MACROD2: variants seen among roughly 807,000 people sequenced by gnomAD.
The protein encoded by MACROD2 is mono-ADP ribosylhydrolase 2, also known as ADP-ribose glycohydrolase MACROD2.
A neutral mutation model predicts 70.4 loss-of-function variants in MACROD2; 36 were observed. That is an observed-to-expected ratio of 0.51 (90% CI 0.39 to 0.68). The LOEUF (loss-of-function observed/expected upper bound fraction) is 0.68. Ranked by LOEUF, MACROD2 falls within the 30% of genes least tolerant of loss-of-function variation. The probability of loss-of-function intolerance (pLI) is 0.00; values close to 1 mark genes in which losing one functional copy is unlikely to be tolerated. For missense variants in MACROD2, 496 were observed against 538.4 expected, an observed-to-expected ratio of 0.92 and a Z score of 0.78; for synonymous variants, 172 against 178.8, an observed-to-expected ratio of 0.96 and a Z score of 0.30.
intron 4 of MACROD2, among the ~76,000 whole-genome samples, chr20:14,677,001 G>C (rs1339352001): frequency 6.6e-6 from 1 of 151,966 alleles, no homozygotes; most frequent in Non-Finnish European, 1.5e-5. Context: ...ACTTTGTCTT[G>C]GTTCTCTTTT....
At chr20:14,833,546 A>G (rs1834536525) in intron 5 of MACROD2, among the ~76,000 whole-genome samples, 1 of 152,208 alleles carries the variant, frequency 6.6e-6, no homozygotes, top group East Asian at 1.9e-4. Context: ...TAAGAAACGT[A>G]ATTCTGGTAA....
chr20:15,585,422 T>C (rs1333788659), intron 8 of MACROD2, among the ~76,000 whole-genome samples: 2 of 152,068 alleles, frequency 1.3e-5, no homozygotes, highest in Non-Finnish European at 2.9e-5. Flanking sequence ...GGTCTCGAGC[T>C]CCTGACCTCG....
At chr20:15,339,504 C>T (rs1343985480) in intron 6 of MACROD2, among the ~76,000 whole-genome samples, 1 of 151,858 alleles carries the variant, frequency 6.6e-6, no homozygotes, top group South Asian at 2.1e-4. Context: ...GCTGCTAAAT[C>T]GTTTCTAGCA....
chr20:14,999,214 G>A (rs941160314), intron 5 of MACROD2, among the ~76,000 whole-genome samples: 1 of 152,196 alleles, frequency 6.6e-6, no homozygotes, highest in African/African-American at 2.4e-5. Context: ...CTCATTGGGA[G>A]TAGTAAGTAC....
At chr20:16,004,699 G>C (rs560154838) in intron 15 of MACROD2, among the ~76,000 whole-genome samples, 1 of 152,350 alleles carries the variant, frequency 6.6e-6, no homozygotes, top group African/African-American at 2.4e-5. Context: ...CGCAGGACCA[G>C]CCTGCAAGGC....
chr20:14,980,014 T>C (rs1438347498), intron 5 of MACROD2, among the ~76,000 whole-genome samples: 5 of 152,158 alleles, frequency 3.3e-5, no homozygotes, highest in Non-Finnish European at 7.4e-5. Flanking sequence ...TAATAATGGC[T>C]AGCATTTATT....
At chr20:15,045,982 C>T (rs1371709849) in intron 5 of MACROD2, among the ~76,000 whole-genome samples, 1 of 151,844 alleles carries the variant, frequency 6.6e-6, no homozygotes, top group East Asian at 1.9e-4. Flanking sequence ...ACCTCTTCAA[C>T]AGCAGTGTGT....
intron 5 of MACROD2, among the ~76,000 whole-genome samples, chr20:14,910,055 T>TCTTTTCTG (rs2074008135): frequency 1.3e-5 from 2 of 152,208 alleles, no homozygotes; most frequent in Non-Finnish European, 2.9e-5. Context: ...CTCACTGATC[T>TCTTTTCTG]CTTTTCTGTA....
chr20:14,067,004 G>A (rs1723026403), intron 2 of MACROD2, among the ~76,000 whole-genome samples: 1 of 151,144 alleles, frequency 6.6e-6, no homozygotes, highest in Admixed American at 6.6e-5. Flanking sequence ...GTAGAGATGG[G>A]GTTTCACCTT....
intron 3 of MACROD2, among the ~76,000 whole-genome samples, chr20:14,094,055 T>C (rs148288286): frequency 7.4e-4 from 113 of 152,110 alleles, no homozygotes; most frequent in African/African-American, 2.6e-3. Context: ...AGGATATGTG[T>C]TAGAGAGATC....
chr20:15,344,804 G>A (rs76521684), intron 6 of MACROD2, among the ~76,000 whole-genome samples: 225 of 152,326 alleles, frequency 1.5e-3, no homozygotes, highest in African/African-American at 5.2e-3. Context: ...GGAACAGTTA[G>A]TGAGTTATTC....
intron 3 of MACROD2, among the ~76,000 whole-genome samples, chr20:14,486,690 T>G (rs1419735893): frequency 6.6e-6 from 1 of 151,862 alleles, no homozygotes; most frequent in Non-Finnish European, 1.5e-5. Context: ...GGCTAATTTT[T>G]GTATTTTTAG....
intron 5 of MACROD2, among the ~76,000 whole-genome samples, chr20:15,028,573 T>C (rs2075250886): frequency 6.6e-6 from 1 of 152,194 alleles, no homozygotes; most frequent in African/African-American, 2.4e-5. Flanking sequence ...AATATTAGGC[T>C]TCTGCACCAA....
At chr20:15,054,526 T>G (rs2075467570) in intron 5 of MACROD2, among the ~76,000 whole-genome samples, 1 of 152,188 alleles carries the variant, frequency 6.6e-6, no homozygotes, top group East Asian at 1.9e-4. Context: ...GGTACATTAT[T>G]TTTTAGATAT....
chr20:15,235,967 C>T (rs1301090323), intron 6 of MACROD2, among the ~76,000 whole-genome samples: 2 of 152,144 alleles, frequency 1.3e-5, no homozygotes, highest in African/African-American at 4.8e-5. Context: ...AAGGGTAATA[C>T]CAAGTCTCTA....
At chr20:14,354,406 A>AT (rs753408195) in intron 3 of MACROD2, among the ~76,000 whole-genome samples, 5 of 152,100 alleles carry the variant, frequency 3.3e-5, no homozygotes, top group Admixed American at 6.5e-5. Context: ...TCGAAGAACC[A>AT]TTTTTTATAC....
intron 5 of MACROD2, among the ~76,000 whole-genome samples, chr20:14,705,795 C>A (rs2071261761): frequency 6.6e-6 from 1 of 152,078 alleles, no homozygotes; most frequent in South Asian, 2.1e-4. Flanking sequence ...AAGTTAAAGA[C>A]AAATTCAAAC....
At chr20:14,377,635 AG>A (rs1397766773) in intron 3 of MACROD2, among the ~76,000 whole-genome samples, 1 of 152,160 alleles carries the variant, frequency 6.6e-6, no homozygotes, top group Non-Finnish European at 1.5e-5. Flanking sequence ...AGATCTTTTT[AG>A]AAGCCCAAGG....
intron 4 of MACROD2, among the ~76,000 whole-genome samples, chr20:14,527,234 T>C (rs2085244245): frequency 6.6e-6 from 1 of 152,148 alleles, no homozygotes; most frequent in Admixed American, 6.5e-5. Flanking sequence ...CCTCTCCATA[T>C]CCAGTTGCTT....
Sources: gnomAD v4.1 joint callset for allele counts (sites outside exome capture counted in the v4.1 genomes callset) on GRCh38, gnomAD v4.1.1 for gene constraint, MANE v1.5 for transcripts, NCBI Gene and HGNC (gene_info 2026-07-23, HGNC 2026-07-21) for gene names.